Variants in EVI5 observed in about 807,000 individuals in gnomAD.
EVI5 encodes the protein ecotropic viral integration site 5.
In EVI5, 73 loss-of-function variants were observed where a neutral mutation model predicts 112.0. The observed-to-expected ratio is 0.65, with a 90% CI of 0.54 to 0.79. The LOEUF (loss-of-function observed/expected upper bound fraction) is 0.79. Among genes scored for constraint, EVI5 ranks in the 30% least tolerant of loss-of-function variants. EVI5 has a pLI of 0.00. For synonymous variants in EVI5, 305 were observed against 319.9 expected (o/e 0.95, Z 0.50); for missense variants, 900 against 968.8 (o/e 0.93, Z 0.94).
intron 16 of EVI5, among the ~76,000 whole-genome samples, chr1:92,614,890 T>C (rs1009627401): frequency 1.5e-5 from 2 of 136,264 alleles, no homozygotes; most frequent in African/African-American, 5.5e-5. Context: ...ATATATCTCC[T>C]ATTATTCCTA....
chr1:92,516,691 T>C (rs1180852897), intron 19 of EVI5, among the ~76,000 whole-genome samples: 6 of 152,116 alleles, frequency 3.9e-5, no homozygotes, highest in Non-Finnish European at 8.8e-5. Flanking sequence ...ACATGTCTTC[T>C]GGGAGTCCTC....
chr1:92,682,748 A>G (rs773123510), intron 9 of EVI5, among the ~76,000 whole-genome samples: 5 of 152,140 alleles, frequency 3.3e-5, no homozygotes, highest in South Asian at 2.1e-4. Flanking sequence ...CTCAAAAAAA[A>G]AGAAAGAAAC....
At chr1:92,779,917 A>G (rs1324848732) in intron 1 of EVI5, among the ~76,000 whole-genome samples, 2 of 152,148 alleles carry the variant, frequency 1.3e-5, no homozygotes, top group African/African-American at 4.8e-5. Context: ...GTTGGACTCT[A>G]GTCTAGGTTC....
intron 13 of EVI5, among the ~76,000 whole-genome samples, chr1:92,653,128 G>A (rs1015319359): frequency 3.9e-5 from 6 of 152,130 alleles, no homozygotes; most frequent in African/African-American, 1.4e-4. Context: ...GCAGCGATAG[G>A]GTGCTATACT....
chr1:92,700,647 A>T (rs1189014160), intron 5 of EVI5, among the ~76,000 whole-genome samples: 1 of 152,192 alleles, frequency 6.6e-6, no homozygotes, highest in Non-Finnish European at 1.5e-5. Context: ...GATCCACAGG[A>T]TTCCTAGAGA....
intron 13 of EVI5, among the ~76,000 whole-genome samples, chr1:92,660,836 A>G (rs1043716203): frequency 5.3e-5 from 8 of 152,050 alleles, no homozygotes; most frequent in Non-Finnish European, 1.2e-4. Context: ...AGGGAATGAT[A>G]GAAATATTAT....
intron 13 of EVI5, among the ~76,000 whole-genome samples, chr1:92,644,743 A>G (rs1412964037): frequency 1.3e-5 from 2 of 152,132 alleles, no homozygotes; most frequent in African/African-American, 2.4e-5. Flanking sequence ...TTTAATTAAA[A>G]TATGTTCTAA....
At chr1:92,532,407 C>T (rs1663024004) in intron 19 of EVI5, among the ~76,000 whole-genome samples, 1 of 152,042 alleles carries the variant, frequency 6.6e-6, no homozygotes. Flanking sequence ...ATATCCAGGG[C>T]TTAAAATCAG....
At chr1:92,608,232 TCTCAATATAG>T (rs1482472027) in intron 16 of EVI5, among the ~76,000 whole-genome samples, 1 of 152,154 alleles carries the variant, frequency 6.6e-6, no homozygotes, top group East Asian at 1.9e-4. Context: ...TATTAGAGAC[TCTCAATATAG>T]CTCAATATAC....
chr1:92,539,370 C>A (rs1444962323), intron 19 of EVI5, among the ~76,000 whole-genome samples: 1 of 151,914 alleles, frequency 6.6e-6, no homozygotes, highest in East Asian at 1.9e-4. Flanking sequence ...GGTGAAACCC[C>A]GTCTCTACTA....
intron 2 of EVI5, among the ~76,000 whole-genome samples, chr1:92,705,259 T>C (rs1005836741): frequency 1.3e-5 from 2 of 152,248 alleles, no homozygotes; most frequent in African/African-American, 2.4e-5. Context: ...ATTTGGCCTA[T>C]GCAGTGTTTG....
Position 92,703,557 on chromosome 1 carries a change from A to T in EVI5, c.402T>A (p.Ser134Arg). The change falls in exon 4 of 20, where the codon AGT (serine) becomes AGA (arginine). Residue 134 changes from serine to arginine, a missense_variant. Physicochemically the swap from Ser to Arg is moderately radical, Grantham distance 110. Transcript: ENST00000684568. ...GATCCTTAATTGGCATACTTTGTGC[A>T]CTGCATAAAAGTTGCCAAACTATTG... ...FRAIVWQLLC[S>R]AQSMPIKDQY... 3 of 1,599,528 alleles carry T rather than the reference A, an allele frequency of 1.9e-6. No individual in the cohort carries two copies. In the East Asian group the frequency reaches 6.7e-5, roughly 36 times the overall value.
At chr1:92,734,469 C>A (rs1477660135) in intron 2 of EVI5, among the ~76,000 whole-genome samples, 1 of 39,322 alleles carries the variant, frequency 2.5e-5, no homozygotes. Flanking sequence ...GAAACTATTT[C>A]TTTTTCTTCT....
At chr1:92,689,686 A>G (rs928060548) in intron 9 of EVI5, among the ~76,000 whole-genome samples, 12 of 152,094 alleles carry the variant, frequency 7.9e-5, no homozygotes, top group Non-Finnish European at 1.6e-4. Context: ...GAACTCTTAC[A>G]CTGCCGGGTT....
At chr1:92,629,405 C>G (rs1260981396) in intron 14 of EVI5, among the ~76,000 whole-genome samples, 2 of 152,092 alleles carry the variant, frequency 1.3e-5, no homozygotes, top group Non-Finnish European at 2.9e-5. Flanking sequence ...AGAGCCCAGG[C>G]CACCAATAAA....
chr1:92,514,152 T>A (rs972466084), intron 19 of EVI5, among the ~76,000 whole-genome samples, 182 bp from the exon 20 acceptor site: 2 of 152,180 alleles, frequency 1.3e-5, no homozygotes, highest in Non-Finnish European at 2.9e-5. Flanking sequence ...TAATTATTTT[T>A]ATTTTATTTT....
intron 18 of EVI5, among the ~76,000 whole-genome samples, chr1:92,564,682 AT>A (rs11313353): frequency 0.77 from 97,490 of 126,250 alleles, 37,267 homozygotes; most frequent in East Asian, 0.92. Context: ...TCAGATAAAG[AT>A]TTTTTTTTTT....
intron 19 of EVI5, among the ~76,000 whole-genome samples, chr1:92,547,112 A>C (rs1400252020): frequency 1.3e-5 from 2 of 152,236 alleles, no homozygotes; most frequent in Non-Finnish European, 2.9e-5. Context: ...AGCACTCCTC[A>C]GCAAATGTAA....
intron 19 of EVI5, among the ~76,000 whole-genome samples, chr1:92,553,672 A>T (rs1667299556): frequency 6.6e-6 from 1 of 151,536 alleles, no homozygotes; most frequent in Non-Finnish European, 1.5e-5. Flanking sequence ...GGGCTCATGC[A>T]ATCAGCCAAC....
Sources: allele counts gnomAD v4.1 joint callset (sites outside exome capture counted in the v4.1 genomes callset), GRCh38; gene constraint gnomAD v4.1.1; transcripts MANE v1.5; gene names NCBI Gene and HGNC (gene_info 2026-07-23, HGNC 2026-07-21).